Variants in DFFB observed in about 807,000 individuals in gnomAD.
The protein encoded by DFFB is DNA fragmentation factor 40 kDa subunit.
A neutral mutation model predicts 32.7 loss-of-function variants in DFFB; 29 were observed. The ratio of observed to expected loss-of-function variants is 0.89; its 90% CI spans 0.66 to 1.21. The LOEUF (loss-of-function observed/expected upper bound fraction) is 1.21, where lower values mean the gene tolerates loss of function less well. Among genes scored for constraint, DFFB ranks in the 50% most tolerant of loss-of-function variants. DFFB has a pLI of 0.00. For missense variants in DFFB, 398 were observed against 440.6 expected (o/e 0.90, Z 0.87); for synonymous variants, 170 against 177.1 (o/e 0.96, Z 0.32).
intron 5 of DFFB, among the ~76,000 whole-genome samples, chr1:3,870,373 C>T (rs1645087225): frequency 6.6e-6 from 1 of 152,194 alleles, no homozygotes; most frequent in Non-Finnish European, 1.5e-5. Flanking sequence ...GGTCCAGCAG[C>T]AGGGGCCAGG....
At chr1:3,871,787 T>C (rs574891700) in intron 5 of DFFB, among the ~76,000 whole-genome samples, 1 of 152,332 alleles carries the variant, frequency 6.6e-6, no homozygotes, top group African/African-American at 2.4e-5. Context: ...ACAGGAAGCA[T>C]GGCGCTGGCA....
chr1:3,861,361 T>C (rs904477013), intron 2 of DFFB, among the ~76,000 whole-genome samples: 6 of 152,184 alleles, frequency 3.9e-5, no homozygotes, highest in African/African-American at 1.2e-4. Flanking sequence ...AGATATTTTG[T>C]TTGTTTCCAG....
chr1:3,874,329 G>A, intron 6 of DFFB, among the ~76,000 whole-genome samples: 1 of 87,630 alleles, frequency 1.1e-5, no homozygotes, highest in Non-Finnish European at 2.3e-5. Flanking sequence ...GCACATACGT[G>A]GTGGCCCACG....
intron 6 of DFFB, among the ~76,000 whole-genome samples, chr1:3,879,907 A>G (rs1284456353): frequency 6.6e-6 from 1 of 152,178 alleles, no homozygotes; most frequent in Non-Finnish European, 1.5e-5. Flanking sequence ...ATCATTAATC[A>G]TCCATTTTAA....
chr1:3,857,847 C>A, intron 1 of DFFB, 130 bp downstream of exon 1: 3 of 619,946 alleles, frequency 4.8e-6, no homozygotes, highest in Non-Finnish European at 7.8e-6. Context: ...TTCGCCTCAG[C>A]CGCTAGGACC....
At chr1:3,874,658 T>C (rs530246051) in intron 6 of DFFB, among the ~76,000 whole-genome samples, 2 of 136,610 alleles carry the variant, frequency 1.5e-5, no homozygotes, top group East Asian at 2.3e-4. Flanking sequence ...CACGCTGTGG[T>C]CTGCAGAGCC....
chr1:3,868,135 G>C, intron 4 of DFFB, 82 bp downstream of exon 4: 1 of 1,256,994 alleles, frequency 8.0e-7, no homozygotes, highest in Non-Finnish European at 1.2e-6. Context: ...TGGTCCTCAC[G>C]ATGGGTAGTT....
At chr1:3,864,874 T>A (rs144531352) in intron 2 of DFFB, among the ~76,000 whole-genome samples, 307 of 152,330 alleles carry the variant, frequency 2.0e-3, no homozygotes, top group Non-Finnish European at 3.9e-3. Flanking sequence ...TGTGCTTATT[T>A]GCCATCTGTA....
intron 2 of DFFB, among the ~76,000 whole-genome samples, chr1:3,862,863 C>T (rs2124729416): frequency 6.6e-6 from 1 of 152,204 alleles, no homozygotes; most frequent in Admixed American, 6.5e-5. Context: ...ACATTAAGAA[C>T]TCTGGCCCGG....
At chr1:3,869,829 C>A in intron 5 of DFFB, 54 bp downstream of exon 5, 1 of 1,523,002 alleles carries the variant, frequency 6.6e-7, no homozygotes, top group Non-Finnish European at 8.8e-7. Context: ...TGGAACACAG[C>A]CCGCCTGGGG....
chr1:3,864,504 T>A (rs1378173469), intron 2 of DFFB, among the ~76,000 whole-genome samples: 1 of 152,076 alleles, frequency 6.6e-6, no homozygotes, highest in Non-Finnish European at 1.5e-5. Flanking sequence ...ATTTCCCTAA[T>A]GGCTAACAAT....
rs141170744 is a variant in DFFB at position 3,877,477 on chromosome 1, G to A, written c.782+4905G>A. ...CCCAAGTAGCTGGGATTACAGGTGC[G>A]TGCCACCCCGCCTGGCTAATTTTTG... On this transcript the variant is annotated intron_variant, in intron 6 of 6. Transcript: ENST00000378209. Among the ~76,000 whole-genome samples, 944 of 151,708 alleles carry A rather than the reference G, an allele frequency of 6.2e-3. 23 individuals are homozygous for A. Among genetic ancestry groups the A allele is most frequent in the East Asian group, 0.041 (211 of 5,150 alleles).
At chr1:3,864,816 TG>T (rs1182107556) in intron 2 of DFFB, among the ~76,000 whole-genome samples, 2 of 152,160 alleles carry the variant, frequency 1.3e-5, no homozygotes, top group Admixed American at 1.3e-4. Flanking sequence ...CTGAAAGTGC[TG>T]GGATTACAGG....
intron 6 of DFFB, among the ~76,000 whole-genome samples, chr1:3,879,995 G>A (rs1190572159): frequency 6.6e-6 from 1 of 152,232 alleles, no homozygotes; most frequent in Non-Finnish European, 1.5e-5. Flanking sequence ...AGCCCTGGGA[G>A]GTAAACGCCA....
rs1570895541 is a variant in DFFB, at chr1:3,861,618, G to A, written c.241+2774G>A. On this transcript the variant is annotated intron_variant, in intron 2 of 6. Coordinates refer to ENST00000378209, the MANE Select transcript of DFFB (RefSeq NM_004402.4). Reference sequence around the variant, plus strand: ...AATTTTTGTATTTTCTGTAGAAACAGGGCTTCATCATGTTGCCCAGGGTGG... The same window carrying A: ...AATTTTTGTATTTTCTGTAGAAACAAGGCTTCATCATGTTGCCCAGGGTGG... Among the ~76,000 whole-genome samples the A allele has an allele frequency of 2.0e-5, 3 of 152,284 alleles. 1 individual carries two copies. In the South Asian group the frequency reaches 6.2e-4, roughly 32 times the overall value.
intron 3 of DFFB, among the ~76,000 whole-genome samples, chr1:3,866,963 T>G (rs999776450): frequency 2.6e-5 from 4 of 152,136 alleles, no homozygotes; most frequent in Admixed American, 2.0e-4. Context: ...TGGCGCGATC[T>G]TGGCTCACTG....
At chr1:3,867,097 T>C (rs552040687) in intron 3 of DFFB, among the ~76,000 whole-genome samples, 25 of 152,306 alleles carry the variant, frequency 1.6e-4, no homozygotes, top group Middle Eastern at 6.8e-3. Context: ...GGAGTTTCAC[T>C]GTGTTAGCCA....
At chr1:3,861,170 A>AG (rs1644873319) in intron 2 of DFFB, among the ~76,000 whole-genome samples, 1 of 150,190 alleles carries the variant, frequency 6.7e-6, no homozygotes, top group South Asian at 2.1e-4. Flanking sequence ...AAAAAAAAAA[A>AG]GAATATTAGG....
chr1:3,863,021 C>T (rs1446231225), intron 2 of DFFB, among the ~76,000 whole-genome samples: 3 of 152,082 alleles, frequency 2.0e-5, no homozygotes, highest in Non-Finnish European at 2.9e-5. Flanking sequence ...TGGTGGCAGG[C>T]GCCTGTAATT....
Sources: allele counts gnomAD v4.1 joint callset (sites outside exome capture counted in the v4.1 genomes callset), GRCh38; gene constraint gnomAD v4.1.1; transcripts MANE v1.5; gene names NCBI Gene and HGNC (gene_info 2026-07-23, HGNC 2026-07-21).